Variants in ARPP21 observed in about 807,000 individuals in gnomAD.
ARPP21 encodes the protein cAMP regulated phosphoprotein 21.
ARPP21 carries 69 observed loss-of-function variants against 113.2 expected under a neutral mutation model. That is an observed-to-expected ratio of 0.61 (90% CI 0.50 to 0.74). The LOEUF is 0.74. Among genes scored for constraint, ARPP21 ranks in the 30% least tolerant of loss-of-function variants. ARPP21 has a pLI of 0.00. For synonymous variants in ARPP21, 368 were observed against 375.5 expected, an observed-to-expected ratio of 0.98 and a Z score of 0.23; for missense variants, 1,070 against 1,037.4, an observed-to-expected ratio of 1.03 and a Z score of -0.43.
chr3:35,704,638 A>G (rs1377084853), intron 9 of ARPP21, among the ~76,000 whole-genome samples: 1 of 151,946 alleles, frequency 6.6e-6, no homozygotes, highest in East Asian at 1.9e-4. Context: ...ACTCCTACTA[A>G]CCAAATTATC....
Position 35,687,773 on chromosome 3 carries a change from G to A in ARPP21, c.296G>A (p.Ser99Asn), listed in dbSNP as rs2081057693. The A allele has an allele frequency of 6.2e-7, 1 of 1,602,584 alleles. No individual in the cohort carries two copies. Among genetic ancestry groups the A allele is most frequent in the Non-Finnish European group, 8.5e-7 (1 of 1,175,612 alleles). Reference sequence around the variant, plus strand: ...CATTTACAGCTTTCCAGTTTTTCCAGCCTGCAAGAGGAGGATAAATCTAGG... The same window carrying A: ...CATTTACAGCTTTCCAGTTTTTCCAACCTGCAAGAGGAGGATAAATCTAGG... ...SIHLQLSSFS[S>N]LQEEDKSRKD... The change falls in exon 6 of 21, where the codon AGC becomes AAC. Residue 99 changes from serine (S) to asparagine (N), a missense_variant. By Grantham distance (46) the Ser-to-Asn change is conservative (BLOSUM62 1). Transcript: ENST00000684406.
Position 35,738,219 on chromosome 3 carries a change from C to G in ARPP21, c.1650C>G (p.Val550=). 2.0e-6 allele frequency: 3 copies of G among 1,533,858 alleles called. No individual in the cohort carries two copies. The highest frequency in any genetic ancestry group is 2.6e-6 in the Non-Finnish European group (3 of 1,144,490). The change falls in exon 17 of 21, where the codon GTC becomes GTG. Residue 550 remains valine (V), a synonymous_variant. Coordinates refer to ENST00000684406, the MANE Select transcript of ARPP21 (RefSeq NM_001385562.1). The part of the protein sequence containing the change: ...QMAGPLVTQS[V]QGLQASSQSV... ...CAATTTTTTCTTTCCTCCAGTCTGT[C>G]CAGGGGCTGCAGGCTTCCTCCCAGT... is the stretch of plus-strand genomic sequence containing the variant.
chr3:35,653,124 T>A (rs1703159258), intron 1 of ARPP21, among the ~76,000 whole-genome samples: 1 of 152,044 alleles, frequency 6.6e-6, no homozygotes, highest in South Asian at 2.1e-4. Context: ...GTACTGTAAA[T>A]GTTACCTGAT....
intron 9 of ARPP21, among the ~76,000 whole-genome samples, chr3:35,692,076 A>C (rs1387974517): frequency 6.6e-6 from 1 of 151,572 alleles, no homozygotes; most frequent in African/African-American, 2.4e-5. Flanking sequence ...ATCTGGGACC[A>C]AGCATGGCTA....
intron 15 of ARPP21, 63 bp from the exon 16 acceptor site, chr3:35,737,115 G>C (rs573536284): frequency 3.3e-5 from 31 of 950,516 alleles, no homozygotes; most frequent in African/African-American, 2.9e-4. Flanking sequence ...CTAACAGAGT[G>C]GTTCTTCATG....
intron 15 of ARPP21, among the ~76,000 whole-genome samples, chr3:35,731,330 T>A (rs897105795): frequency 6.6e-6 from 1 of 152,212 alleles, no homozygotes; most frequent in African/African-American, 2.4e-5. Context: ...TCTTTTTCAT[T>A]GGACCGAGTC....
chr3:35,786,960 G>A (rs537742252), intron 19 of ARPP21, among the ~76,000 whole-genome samples: 17 of 152,096 alleles, frequency 1.1e-4, no homozygotes, highest in Non-Finnish European at 1.8e-4. Context: ...TCCACCTAAG[G>A]CTACTGTGAA....
At chr3:35,748,863 A>C (rs1006983860) in intron 19 of ARPP21, among the ~76,000 whole-genome samples, 2 of 152,220 alleles carry the variant, frequency 1.3e-5, no homozygotes, top group African/African-American at 4.8e-5. Flanking sequence ...CACTACCACA[A>C]GTTTGCAAGG....
intron 1 of ARPP21, among the ~76,000 whole-genome samples, chr3:35,649,357 A>G (rs1441897686): frequency 1.3e-5 from 2 of 152,130 alleles, no homozygotes; most frequent in East Asian, 1.9e-4. Flanking sequence ...ATGACTAGGG[A>G]TTTTATGGGA....
chr3:35,643,810 A>T (rs887112194), intron 1 of ARPP21: 2 of 152,020 alleles, frequency 1.3e-5, no homozygotes, highest in Admixed American at 6.6e-5. Context: ...AATGAAAGCC[A>T]TTTCTTCTTA....
In ARPP21 at chr3:35,782,480, C is replaced by T. The variant is rs187526401; in HGVS notation, c.2138-9902C>T. 5.6e-3 allele frequency among the ~76,000 whole-genome samples: 853 copies of T among 152,134 alleles called. 3 individuals carry two copies. Among genetic ancestry groups the T allele is most frequent in the Middle Eastern group, 0.017 (5 of 294 alleles). ...GATGTGACAGCATTTGGTTGTAACT[C>T]CTAATAAGCTCTCTGACCTGTCTTG... On this transcript the variant is annotated intron_variant, in intron 19 of 20. Coordinates refer to ENST00000684406, the MANE Select transcript of ARPP21 (RefSeq NM_001385562.1).
chr3:35,709,155 G>A (rs748597454), intron 11 of ARPP21, 85 bp downstream of exon 11: 7 of 929,710 alleles, frequency 7.5e-6, no homozygotes, highest in East Asian at 2.6e-5. Context: ...CGAGGTGGCA[G>A]GGAATAAAAA....
chr3:35,643,973 T>C (rs1699200484), intron 1 of ARPP21, among the ~76,000 whole-genome samples: 2 of 152,042 alleles, frequency 1.3e-5, no homozygotes, highest in South Asian at 4.1e-4. Flanking sequence ...CGATGATGCA[T>C]TTGTAAAACA....
At chr3:35,705,357 A>G (rs1221467399) in intron 9 of ARPP21, among the ~76,000 whole-genome samples, 3 of 152,206 alleles carry the variant, frequency 2.0e-5, no homozygotes, top group Non-Finnish European at 4.4e-5. Context: ...ACACTGAAAC[A>G]TGTTTAATTT....
intron 5 of ARPP21, chr3:35,684,609 A>G: frequency 1.0e-6 from 1 of 985,398 alleles, no homozygotes; most frequent in Non-Finnish European, 1.2e-6. Flanking sequence ...CAAAAGTAAA[A>G]TGGTTTACCT....
intron 1 of ARPP21, chr3:35,642,393 A>G (rs1478758612): frequency 6.6e-6 from 1 of 152,212 alleles, no homozygotes; most frequent in Non-Finnish European, 1.5e-5. Context: ...GATACTGGAC[A>G]AGGATATTTG....
intron 19 of ARPP21, chr3:35,785,284 G>T (rs937328928): frequency 6.6e-6 from 1 of 152,170 alleles, no homozygotes; most frequent in Non-Finnish European, 1.5e-5. Flanking sequence ...TAAAACGTTT[G>T]TGAGTCTTTC....
At chr3:35,768,920 A>T (rs1054373957) in intron 19 of ARPP21, among the ~76,000 whole-genome samples, 1 of 152,162 alleles carries the variant, frequency 6.6e-6, no homozygotes, top group Non-Finnish European at 1.5e-5. Context: ...TATGTTACAG[A>T]TATTAGAAAA....
At chr3:35,747,966 AG>A (rs2095184740) in intron 19 of ARPP21, among the ~76,000 whole-genome samples, 1 of 149,810 alleles carries the variant, frequency 6.7e-6, no homozygotes. Flanking sequence ...AAAGAAAGAG[AG>A]AGAGAGAGAG....
Sources: allele counts gnomAD v4.1 joint callset (sites outside exome capture counted in the v4.1 genomes callset), GRCh38; gene constraint gnomAD v4.1.1; transcripts MANE v1.5; gene names NCBI Gene and HGNC (gene_info 2026-07-23, HGNC 2026-07-21).